Variants in TTC21B observed in about 807,000 individuals in gnomAD.
The protein encoded by TTC21B is tetratricopeptide repeat domain 21B.
A neutral mutation model predicts 175.1 loss-of-function variants in TTC21B; 127 were observed. That is an observed-to-expected ratio of 0.73 (90% CI 0.63 to 0.84). The LOEUF is 0.84. Among genes scored for constraint, TTC21B ranks in the 40% least tolerant of loss-of-function variants. TTC21B has a pLI of 0.00. For missense variants in TTC21B, 1,561 were observed against 1,558.3 expected, an observed-to-expected ratio of 1.00 and a Z score of -0.03; for synonymous variants, 524 against 524.5, an observed-to-expected ratio of 1.00 and a Z score of 0.01.
At chr2:165,892,179 A>G (rs1685217053) in intron 22 of TTC21B, among the ~76,000 whole-genome samples, 1 of 152,172 alleles carries the variant, frequency 6.6e-6, no homozygotes, top group South Asian at 2.1e-4. Flanking sequence ...TTAGTACAGG[A>G]CTAGGGATTT....
intron 12 of TTC21B, among the ~76,000 whole-genome samples, chr2:165,921,950 T>C (rs972424964): frequency 3.3e-5 from 5 of 152,026 alleles, no homozygotes; most frequent in Non-Finnish European, 5.9e-5. Context: ...CCAATGTACA[T>C]AGTCTTTTAT....
intron 12 of TTC21B, among the ~76,000 whole-genome samples, chr2:165,923,299 C>T (rs942331063): frequency 2.0e-5 from 3 of 152,110 alleles, no homozygotes; most frequent in Non-Finnish European, 4.4e-5. Flanking sequence ...AAGACAATCT[C>T]ATCACTCCAT....
chr2:165,903,122 C>A (rs575960832), intron 19 of TTC21B, among the ~76,000 whole-genome samples: 1 of 152,274 alleles, frequency 6.6e-6, no homozygotes, highest in Non-Finnish European at 1.5e-5. Flanking sequence ...GGCAACAGAG[C>A]CCCCAGAGGA....
chr2:165,944,906 T>C (rs1687496127), intron 4 of TTC21B, among the ~76,000 whole-genome samples: 1 of 152,190 alleles, frequency 6.6e-6, no homozygotes, highest in Admixed American at 6.5e-5. Context: ...TTAGCTCAAA[T>C]GCTAGTTCCT....
rs772842753 is a variant in TTC21B, at chr2:165,930,286, C to G, written c.973G>C (p.Glu325Gln). 6.2e-7 allele frequency: 1 copy of G among 1,612,968 alleles called. No individual in the cohort carries two copies. Among genetic ancestry groups the G allele is most frequent in the African/African-American group, 1.3e-5 (1 of 74,812 alleles). The change falls in exon 9 of 29, where the codon GAA becomes CAA. Residue 325 changes from glutamate to glutamine, a missense_variant. By Grantham distance (29) the Glu-to-Gln change is conservative. Transcript: ENST00000243344. ...RAFSLNPQQS[E>Q]FATELGYQMI... ...TGGTATCCAAGTTCTGTAGCAAATTCTGATTGCTGAGGGTTTAAACTAAAA... is the reference window on the plus strand; with the variant it reads ...TGGTATCCAAGTTCTGTAGCAAATTGTGATTGCTGAGGGTTTAAACTAAAA...
At chr2:165,931,269 T>C (rs1399424467) in intron 8 of TTC21B, among the ~76,000 whole-genome samples, 1 of 152,114 alleles carries the variant, frequency 6.6e-6, no homozygotes, top group African/African-American at 2.4e-5. Context: ...CTTGTATTGA[T>C]TTTGAGATTC....
rs1457311503 is a variant in TTC21B, at chr2:165,915,211, T to C, written c.2128A>G (p.Thr710Ala). Reference sequence around the variant, plus strand: ...AAGACAATTACTTACCTAAAACAAGTGATATATAACATTTTATCTTTTCTG... The same window carrying C: ...AAGACAATTACTTACCTAAAACAAGCGATATATAACATTTTATCTTTTCTG... The part of the protein sequence containing the change: ...KHRKDKMLYI[T>A]CFREIAERMA... Residue 710 changes from threonine (T) to alanine (A), a missense_variant, in exon 15 of 29, where the codon ACT (threonine) becomes GCT (alanine). Physicochemically the swap from Thr to Ala is moderately conservative, Grantham distance 58. Transcript: ENST00000243344. 1.2e-6 allele frequency: 2 copies of C among 1,611,658 alleles called. No individual in the cohort carries two copies. Among genetic ancestry groups the C allele is most frequent in the Non-Finnish European group, 1.7e-6 (2 of 1,177,774 alleles).
At chr2:165,920,793 G>GATATATTTT (rs1686368208) in intron 12 of TTC21B, among the ~76,000 whole-genome samples, 1 of 151,370 alleles carries the variant, frequency 6.6e-6, no homozygotes, top group African/African-American at 2.4e-5. Flanking sequence ...AAAATATTTT[G>GATATATTTT]AAGGATACTA....
chr2:165,876,060 T>C lies in TTC21B; in HGVS notation c.3873+105A>G, dbSNP rs1308483660. ...TAAACATACTGATAAATCATTTAAC[T>C]AAAATAATGTATCCTCTATTTCTAT... On this transcript the variant is annotated intron_variant, in intron 28 of 28. Coordinates refer to ENST00000243344, the MANE Select transcript of TTC21B (RefSeq NM_024753.5). 4.1e-6 allele frequency: 3 copies of C among 731,352 alleles called. No homozygotes were observed. The East Asian group carries it at 7.7e-5, about 19-fold the overall frequency. The allele number at this position is 731,352 out of a possible 1,614,324, so 45.3% of individuals were successfully genotyped here.
At chr2:165,896,992 T>G (rs529666403) in intron 22 of TTC21B, among the ~76,000 whole-genome samples, 23 of 152,254 alleles carry the variant, frequency 1.5e-4, no homozygotes, top group Middle Eastern at 3.4e-3. Context: ...GGAACATCAA[T>G]GCCCAGCACT....
intron 15 of TTC21B, among the ~76,000 whole-genome samples, chr2:165,914,503 C>G (rs1356168823): frequency 6.6e-6 from 1 of 152,024 alleles, no homozygotes; most frequent in Non-Finnish European, 1.5e-5. Context: ...ATCTGAGCAG[C>G]TTTTTGAGTT....
intron 24 of TTC21B, among the ~76,000 whole-genome samples, chr2:165,889,406 T>G (rs1685115320): frequency 6.6e-6 from 1 of 152,200 alleles, no homozygotes; most frequent in Non-Finnish European, 1.5e-5. Flanking sequence ...TTTTGTTACT[T>G]CATTCTACCA....
At chr2:165,878,620 C>T (rs1409362013) in intron 27 of TTC21B, among the ~76,000 whole-genome samples, 3 of 151,442 alleles carry the variant, frequency 2.0e-5, no homozygotes, top group Non-Finnish European at 4.4e-5. Flanking sequence ...ATCATTCATC[C>T]TGGTGCCTCT....
Position 165,874,026 on chromosome 2 carries a change from A to G in TTC21B, c.*729T>C, listed in dbSNP as rs1474764085. On this transcript the variant is annotated 3_prime_UTR_variant, in exon 29 of 29. Coordinates refer to ENST00000243344, the MANE Select transcript of TTC21B (RefSeq NM_024753.5). ...TCATGAGTTATTTACAGGGAGATTT[A>G]TTCCAATTTTTGAAACAACACAGAA... 13 of 152,026 alleles carry G rather than the reference A, an allele frequency of 8.6e-5. No homozygotes were observed. The highest frequency in any genetic ancestry group is 8.5e-4 in the Admixed American group (13 of 15,258). The allele number at this position is 152,026 out of a possible 1,614,324, so 9.4% of individuals were successfully genotyped here.
intron 21 of TTC21B, among the ~76,000 whole-genome samples, chr2:165,899,122 C>A (rs1324976444): frequency 1.3e-5 from 2 of 151,952 alleles, no homozygotes; most frequent in Non-Finnish European, 2.9e-5. Flanking sequence ...AATAATGAGA[C>A]GATTCAAAAA....
At chr2:165,927,634 C>T (rs1407546010) in intron 11 of TTC21B, among the ~76,000 whole-genome samples, 1 of 151,312 alleles carries the variant, frequency 6.6e-6, no homozygotes, top group East Asian at 1.9e-4. Flanking sequence ...AACATTTGTA[C>T]ATTTGTAGAA....
chr2:165,917,554 T>A, intron 13 of TTC21B, 73 bp from the exon 14 acceptor site: 1 of 1,203,584 alleles, frequency 8.3e-7, no homozygotes, highest in Non-Finnish European at 1.2e-6. Flanking sequence ...CATCAAACAT[T>A]AAAATAATGA....
At chr2:165,896,208 C>T (rs1685359652) in intron 22 of TTC21B, among the ~76,000 whole-genome samples, 1 of 152,110 alleles carries the variant, frequency 6.6e-6, no homozygotes, top group Admixed American at 6.6e-5. Flanking sequence ...ACTTCCTCTG[C>T]CATTTCAAAC....
chr2:165,934,641 C>G (rs897755679), intron 6 of TTC21B: 2 of 135,666 alleles, frequency 1.5e-5, no homozygotes, highest in African/African-American at 5.5e-5. Flanking sequence ...AGTTATATAC[C>G]AAAGAAAAAC....
Sources: allele counts gnomAD v4.1 joint callset (sites outside exome capture counted in the v4.1 genomes callset), GRCh38; gene constraint gnomAD v4.1.1; transcripts MANE v1.5; gene names NCBI Gene and HGNC (gene_info 2026-07-23, HGNC 2026-07-21).